Variants in CSNK2A2 observed in about 807,000 individuals in gnomAD.
CSNK2A2 encodes the protein casein kinase 2 alpha 2.
A neutral mutation model predicts 54.0 loss-of-function variants in CSNK2A2; 8 were observed. The observed-to-expected ratio is 0.15, with a 90% CI of 0.09 to 0.27. The LOEUF is 0.27. CSNK2A2 is among the 10% of genes least tolerant of loss of function. The probability of loss-of-function intolerance (pLI) is 1.00; values close to 1 mark genes in which losing one functional copy is unlikely to be tolerated. For synonymous variants in CSNK2A2, 141 were observed against 153.9 expected (o/e 0.92, Z 0.62); for missense variants, 242 against 439.4 (o/e 0.55, Z 4.02).
intron 6 of CSNK2A2, 99 bp from the exon 7 acceptor site, chr16:58,167,894 C>T (rs906793819): frequency 1.1e-6 from 1 of 919,008 alleles, no homozygotes; most frequent in Non-Finnish European, 1.7e-6. Flanking sequence ...CATTTGGCCA[C>T]ACAAAAAATG....
intron 11 of CSNK2A2, chr16:58,161,677 T>C (rs1319152401): frequency 6.6e-6 from 1 of 152,160 alleles, no homozygotes; most frequent in Non-Finnish European, 1.5e-5. Context: ...AAATGGTTTT[T>C]GGAGACAGGA....
At position 58,171,979 on chromosome 16, in the gene CSNK2A2, A is replaced by ATTTT. The variant is rs746200172; in HGVS notation, c.429+2468_429+2471dup. Among the ~76,000 whole-genome samples the ATTTT allele has an allele frequency of 9.1e-5, 6 of 66,182 alleles. No homozygotes were observed. In the East Asian group the frequency reaches 1.5e-3, roughly 17 times the overall value. 43.4% of individuals were successfully genotyped at this position (66,182 alleles called of 152,430 possible). A position where few individuals can be genotyped will look rare whatever the true frequency, so the allele number is the denominator to read the frequency against. ...CATGCATATATATATATATATATAT[A>ATTTT]TTTTTTTTTTTTTTTTTTTTTTGGT... is the stretch of plus-strand genomic sequence containing the variant. On this transcript the variant is annotated intron_variant, in intron 5 of 11. Coordinates refer to ENST00000262506, the MANE Select transcript of CSNK2A2 (RefSeq NM_001896.4).
At chr16:58,164,779 C>G (rs1784440995) in intron 10 of CSNK2A2, among the ~76,000 whole-genome samples, 1 of 152,146 alleles carries the variant, frequency 6.6e-6, no homozygotes, top group African/African-American at 2.4e-5. Flanking sequence ...TGCATATGGG[C>G]CACAGGCTCA....
chr16:58,171,979 A>ATTT (rs746200172), intron 5 of CSNK2A2, among the ~76,000 whole-genome samples: 1 of 66,186 alleles, frequency 1.5e-5, no homozygotes, highest in Non-Finnish European at 2.5e-5. Context: ...ATATATATAT[A>ATTT]TTTTTTTTTT....
chr16:58,168,801 C>A, intron 5 of CSNK2A2, 108 bp from the exon 6 acceptor site: 3 of 822,284 alleles, frequency 3.6e-6, no homozygotes, highest in Non-Finnish European at 5.8e-6. Flanking sequence ...AGTCCCCCAA[C>A]GGGCAGCTTG....
chr16:58,165,021 A>G (rs1961526658), intron 10 of CSNK2A2, among the ~76,000 whole-genome samples: 1 of 152,228 alleles, frequency 6.6e-6, no homozygotes, highest in Non-Finnish European at 1.5e-5. Context: ...AGAGGAAAGA[A>G]CCATACACAT....
Position 58,164,508 on chromosome 16 carries a change from A to G in CSNK2A2, c.977-361T>C, listed in dbSNP as rs141543940. ...AGCATGTAGAATAACAAGCACTTCAAAGGAAAGGTGAGTAAAAAGAGCCAT... is the reference window on the plus strand; with the variant it reads ...AGCATGTAGAATAACAAGCACTTCAGAGGAAAGGTGAGTAAAAAGAGCCAT... On this transcript the variant is annotated intron_variant, in intron 10 of 11. Coordinates refer to ENST00000262506, the MANE Select transcript of CSNK2A2 (RefSeq NM_001896.4). 5.7e-3 allele frequency among the ~76,000 whole-genome samples: 863 copies of G among 152,324 alleles called. 3 individuals are homozygous for G. The highest frequency in any genetic ancestry group is 9.1e-3 in the Non-Finnish European group (619 of 68,026).
rs1962463828 is a variant in CSNK2A2, at chr16:58,196,722, AG to A, written c.216+10del. The A allele has an allele frequency of 3.2e-6, 5 of 1,567,378 alleles. No homozygotes were observed. The highest frequency in any genetic ancestry group is 4.4e-6 in the Non-Finnish European group (5 of 1,137,330). On this transcript the variant is annotated intron_variant, in intron 2 of 11. Coordinates refer to ENST00000262506, the MANE Select transcript of CSNK2A2 (RefSeq NM_001896.4). Reference sequence around the variant, plus strand: ...GAGGAAAATGTTACATACCACTCATAGGACACTCACCTTCAGGATTTTTACA... The same window carrying A: ...GAGGAAAATGTTACATACCACTCATAGACACTCACCTTCAGGATTTTTACA...
chr16:58,178,172 T>C (rs2142429393), intron 4 of CSNK2A2, among the ~76,000 whole-genome samples: 1 of 152,304 alleles, frequency 6.6e-6, no homozygotes, highest in South Asian at 2.1e-4. Context: ...ATCCTCCAAA[T>C]ATCAATATGA....
chr16:58,172,919 T>C (rs553681562), intron 5 of CSNK2A2, among the ~76,000 whole-genome samples: 1 of 152,290 alleles, frequency 6.6e-6, no homozygotes, highest in East Asian at 1.9e-4. Context: ...AGACCTGCAT[T>C]AGTTGGATGT....
At chr16:58,176,879 C>A (rs769018444) in intron 4 of CSNK2A2, among the ~76,000 whole-genome samples, 5 of 152,206 alleles carry the variant, frequency 3.3e-5, no homozygotes, top group Non-Finnish European at 7.3e-5. Context: ...TGACTCCTCA[C>A]TCTGCTGCGT....
intron 4 of CSNK2A2, among the ~76,000 whole-genome samples, chr16:58,182,384 A>C (rs1210641216): frequency 7.5e-6 from 1 of 133,164 alleles, no homozygotes; most frequent in Non-Finnish European, 1.6e-5. Flanking sequence ...CAAAAAAAAA[A>C]AAAAAAAAAA....
intron 8 of CSNK2A2, among the ~76,000 whole-genome samples, chr16:58,166,935 CA>C (rs1961579895): frequency 6.6e-6 from 1 of 152,202 alleles, no homozygotes; most frequent in Non-Finnish European, 1.5e-5. Flanking sequence ...CAGGGCATCA[CA>C]ATCTAATGAC....
At chr16:58,178,571 C>T (rs1428442346) in intron 4 of CSNK2A2, among the ~76,000 whole-genome samples, 7 of 152,156 alleles carry the variant, frequency 4.6e-5, no homozygotes, top group Admixed American at 6.5e-5. Flanking sequence ...CATGAGCCAC[C>T]GCACCCGGCC....
chr16:58,163,915 T>C, intron 11 of CSNK2A2, 139 bp downstream of exon 11: 3 of 655,998 alleles, frequency 4.6e-6, no homozygotes, highest in Middle Eastern at 2.6e-4. Context: ...CTTTCTTGCT[T>C]TTTGACAGAC....
Position 58,167,114 on chromosome 16 carries a change from A to T in CSNK2A2, c.726+93T>A, listed in dbSNP as rs560489273. On this transcript the variant is annotated intron_variant, in intron 8 of 11. Coordinates refer to ENST00000262506, the MANE Select transcript of CSNK2A2 (RefSeq NM_001896.4). ...AGCTCATATGCAGACACTGAGTGAT[A>T]CTTAGTGGCTCAAGGATAGTATTCT... 5 of 766,996 alleles carry T rather than the reference A, an allele frequency of 6.5e-6. No individual in the cohort carries two copies. The East Asian group carries it at 1.4e-4, about 21-fold the overall frequency. 47.5% of individuals were successfully genotyped at this position (766,996 alleles called of 1,614,324 possible). A position where few individuals can be genotyped will look rare whatever the true frequency, so the allele number is the denominator to read the frequency against.
chr16:58,180,982 A>G (rs1962023980), intron 4 of CSNK2A2, among the ~76,000 whole-genome samples: 1 of 152,232 alleles, frequency 6.6e-6, no homozygotes, highest in Admixed American at 6.5e-5. Context: ...AAAAGAATTT[A>G]ATTTTCCTGC....
intron 2 of CSNK2A2, 86 bp from the exon 3 acceptor site, chr16:58,186,942 A>G: frequency 9.9e-7 from 1 of 1,014,922 alleles, no homozygotes; most frequent in Non-Finnish European, 1.5e-6. Context: ...AATCAGATGG[A>G]TAGTACGCTA....
At chr16:58,160,256 T>G (rs752953296) in intron 11 of CSNK2A2, 6 of 152,216 alleles carry the variant, frequency 3.9e-5, no homozygotes, top group Non-Finnish European at 8.8e-5. Context: ...TCCCTGCTTT[T>G]GCTTTCGGAA....
Sources: gnomAD v4.1 joint callset for allele counts (sites outside exome capture counted in the v4.1 genomes callset) on GRCh38, gnomAD v4.1.1 for gene constraint, MANE v1.5 for transcripts, NCBI Gene and HGNC (gene_info 2026-07-23, HGNC 2026-07-21) for gene names.